Variants in PAK5 observed in about 807,000 individuals in gnomAD.
The protein encoded by PAK5 is serine/threonine-protein kinase PAK 5.
Under a neutral mutation model 65.9 loss-of-function variants are expected in PAK5, and 16 were observed. The ratio of observed to expected loss-of-function variants is 0.24; its 90% confidence interval spans 0.16 to 0.37. The LOEUF is 0.37. Among genes scored for constraint, PAK5 ranks in the 10% least tolerant of loss-of-function variants. The probability of loss-of-function intolerance (pLI) is 1.00; values close to 1 mark genes in which losing one functional copy is unlikely to be tolerated. For missense variants in PAK5, 785 were observed against 903.9 expected (o/e 0.87, Z 1.69); for synonymous variants, 371 against 354.9 (o/e 1.05, Z -0.51).
chr20:9,652,672 G>A (rs1004994874), intron 2 of PAK5, among the ~76,000 whole-genome samples: 1 of 152,050 alleles, frequency 6.6e-6, no homozygotes, highest in Non-Finnish European at 1.5e-5. Flanking sequence ...TTGTGACCTG[G>A]GCCTGTTTTT....
chr20:9,729,617 T>A (rs1434170202), intron 1 of PAK5, among the ~76,000 whole-genome samples: 2 of 152,140 alleles, frequency 1.3e-5, no homozygotes, highest in Admixed American at 1.3e-4. Context: ...TGAGCCCTAT[T>A]TGATCTTCCC....
intron 3 of PAK5, among the ~76,000 whole-genome samples, chr20:9,623,840 A>G (rs2046804915): frequency 6.6e-6 from 1 of 152,210 alleles, no homozygotes; most frequent in Admixed American, 6.5e-5. Context: ...GTGAAAAGAG[A>G]GGAAATAAAA....
chr20:9,767,821 ACTT>A (rs2048786610), intron 1 of PAK5, among the ~76,000 whole-genome samples: 1 of 152,170 alleles, frequency 6.6e-6, no homozygotes, highest in African/African-American at 2.4e-5. Context: ...TGTTCTAAAC[ACTT>A]CCATGATAAC....
At chr20:9,771,847 G>A (rs12481270) in intron 1 of PAK5, among the ~76,000 whole-genome samples, 64,859 of 151,732 alleles carry the variant, frequency 0.43, 13,990 homozygotes, top group East Asian at 0.64. Flanking sequence ...AGACCAGCCT[G>A]CCCAACATGG....
At chr20:9,739,756 A>G (rs2048431155) in intron 1 of PAK5, among the ~76,000 whole-genome samples, 1 of 152,130 alleles carries the variant, frequency 6.6e-6, no homozygotes, top group Non-Finnish European at 1.5e-5. Flanking sequence ...TGACTGGAGG[A>G]TAGAAGGGAA....
intron 1 of PAK5, among the ~76,000 whole-genome samples, chr20:9,723,378 T>C (rs1426204986): frequency 6.6e-6 from 1 of 152,144 alleles, no homozygotes; most frequent in Non-Finnish European, 1.5e-5. Flanking sequence ...GGATAGGAGT[T>C]CTATTTACTG....
intron 3 of PAK5, among the ~76,000 whole-genome samples, chr20:9,641,819 G>A (rs796133712): frequency 7.9e-5 from 12 of 152,290 alleles, no homozygotes; most frequent in African/African-American, 2.4e-4. Context: ...ACCCTCCGCA[G>A]CCACTGGCCC....
chr20:9,765,832 A>G (rs1672901563), intron 1 of PAK5, among the ~76,000 whole-genome samples: 1 of 152,230 alleles, frequency 6.6e-6, no homozygotes, highest in Non-Finnish European at 1.5e-5. Context: ...TCAAAAAGTC[A>G]AAAGAAATGT....
At chr20:9,657,967 T>C (rs777970984) in intron 2 of PAK5, among the ~76,000 whole-genome samples, 1 of 152,204 alleles carries the variant, frequency 6.6e-6, no homozygotes, top group Non-Finnish European at 1.5e-5. Flanking sequence ...TTTACATCAA[T>C]GACACTAATA....
chr20:9,713,784 C>T (rs528250727), intron 1 of PAK5, among the ~76,000 whole-genome samples: 8 of 152,010 alleles, frequency 5.3e-5, no homozygotes, highest in African/African-American at 1.7e-4. Context: ...CTCACTCACA[C>T]ATGGGAGCTA....
At chr20:9,565,849 A>C (rs1329166571) in intron 5 of PAK5, 44 bp downstream of exon 5, 1 of 1,550,394 alleles carries the variant, frequency 6.4e-7, no homozygotes, top group Non-Finnish European at 8.8e-7. Context: ...ATGGGAAATA[A>C]ATGTTACAAA....
At chr20:9,713,966 A>G (rs2048110245) in intron 1 of PAK5, among the ~76,000 whole-genome samples, 1 of 152,136 alleles carries the variant, frequency 6.6e-6, no homozygotes, top group Non-Finnish European at 1.5e-5. Context: ...ATTACACTTA[A>G]CCGTAATTTA....
rs1287180454 is a variant in PAK5, at chr20:9,703,748, C to T, written c.-12+7538G>A. ...ATAAGAGTTCAGCACAACATATATCCCCCCCTCCACTCTAATACAAGGTCC... is the reference window on the plus strand; with the variant it reads ...ATAAGAGTTCAGCACAACATATATCTCCCCCTCCACTCTAATACAAGGTCC... On this transcript the variant is annotated intron_variant, in intron 2 of 9. Transcript: ENST00000353224. 5.5e-5 allele frequency among the ~76,000 whole-genome samples: 4 copies of T among 73,272 alleles called. No homozygotes were observed. The East Asian group carries it at 2.0e-3, about 36-fold the overall frequency. 48.1% of individuals were successfully genotyped at this position (73,272 alleles called of 152,430 possible).
At position 9,539,488 on chromosome 20, in the gene PAK5, G is replaced by C. The variant is rs202003893; in HGVS notation, c.2134C>G (p.Leu712Val). The change falls in exon 10 of 10, where the codon CTC (leucine) becomes GTC (valine). Residue 712 changes from leucine (L) to valine (V), a missense_variant. By Grantham distance (32) the Leu-to-Val change is conservative. Transcript: ENST00000353224. ...LAGPPSCIVP[L>V]MRQYRHH ...CAGTGATGCCTGTATTGTCTCATGAGGGGGACGATGCAAGACGGTGGACCT... is the reference window on the plus strand; with the variant it reads ...CAGTGATGCCTGTATTGTCTCATGACGGGGACGATGCAAGACGGTGGACCT... 158 of 1,614,024 alleles carry C rather than the reference G, an allele frequency of 9.8e-5. No homozygotes were observed. The Admixed American group carries it at 2.5e-3, about 26-fold the overall frequency.
chr20:9,585,494 C>A (rs771674480), intron 3 of PAK5, among the ~76,000 whole-genome samples: 1 of 152,170 alleles, frequency 6.6e-6, no homozygotes, highest in Admixed American at 6.5e-5. Flanking sequence ...AGCAAATTGG[C>A]CATTGGTCAT....
At chr20:9,773,533 A>T (rs1262438340) in intron 1 of PAK5, among the ~76,000 whole-genome samples, 1 of 152,134 alleles carries the variant, frequency 6.6e-6, no homozygotes, top group Non-Finnish European at 1.5e-5. Context: ...TAACTAGTTC[A>T]TAAGTGAAAA....
At chr20:9,711,682 A>G (rs554324567) in intron 1 of PAK5, among the ~76,000 whole-genome samples, 33 of 152,180 alleles carry the variant, frequency 2.2e-4, no homozygotes, top group Admixed American at 6.5e-4. Flanking sequence ...CACTGTGAAT[A>G]ATTATTCTAT....
chr20:9,687,120 C>T (rs1303701915), intron 2 of PAK5, among the ~76,000 whole-genome samples: 1 of 152,204 alleles, frequency 6.6e-6, no homozygotes, highest in Non-Finnish European at 1.5e-5. Flanking sequence ...TCCAGCCTAT[C>T]TTATGCCCAG....
At chr20:9,578,942 G>A (rs1218751111) in intron 4 of PAK5, among the ~76,000 whole-genome samples, 1 of 152,058 alleles carries the variant, frequency 6.6e-6, no homozygotes, top group Non-Finnish European at 1.5e-5. Context: ...ATCAAGATTT[G>A]TTTTTAATTT....
Sources: gnomAD v4.1 joint callset for allele counts (sites outside exome capture counted in the v4.1 genomes callset) on GRCh38, gnomAD v4.1.1 for gene constraint, MANE v1.5 for transcripts, NCBI Gene and HGNC (gene_info 2026-07-23, HGNC 2026-07-21) for gene names.